POMT1: variants seen among roughly 807,000 people sequenced by gnomAD.
POMT1 encodes protein O-mannosyltransferase 1, also known as protein O-mannosyl-transferase 1.
In POMT1, 85 loss-of-function variants were observed where a neutral mutation model predicts 101.6. That is an observed-to-expected ratio of 0.84 (90% CI 0.70 to 1.00). The LOEUF (loss-of-function observed/expected upper bound fraction) is 1.00, where lower values mean the gene tolerates loss of function less well. POMT1 is among the 50% of genes least tolerant of loss of function. The pLI, the probability that POMT1 is intolerant of heterozygous loss-of-function variation, is 0.00. For synonymous variants in POMT1, 371 were observed against 383.0 expected, an observed-to-expected ratio of 0.97 and a Z score of 0.37; for missense variants, 857 against 930.4, an observed-to-expected ratio of 0.92 and a Z score of 1.03.
At chr9:131,505,272 A>C (rs1022029617) in intron 2 of POMT1, among the ~76,000 whole-genome samples, 1 of 148,774 alleles carries the variant, frequency 6.7e-6, no homozygotes, top group African/African-American at 2.5e-5. Flanking sequence ...TAGATAATTC[A>C]GCGGTATATC....
intron 10 of POMT1, 140 bp from the exon 11 acceptor site, chr9:131,511,901 G>T: frequency 2.5e-6 from 2 of 800,298 alleles, no homozygotes; most frequent in Non-Finnish European, 4.2e-6. Context: ...AATAGACACA[G>T]GGTCTCACTA....
At position 131,515,410 on chromosome 9, in the gene POMT1, G is replaced by C. The variant is rs199684856; in HGVS notation, c.1176-16G>C. On this transcript the variant is annotated splice_polypyrimidine_tract_variant and intron_variant, in intron 12 of 19. Transcript: ENST00000402686. ...AGTTCAAGGAATTTTCTGAAATCTCGGTCTTGGTTTTCCAGGCATGATGTT... is the reference window on the plus strand; with the variant it reads ...AGTTCAAGGAATTTTCTGAAATCTCCGTCTTGGTTTTCCAGGCATGATGTT... The C allele has an allele frequency of 5.6e-6, 9 of 1,612,880 alleles. No individual in the cohort carries two copies. In the African/African-American group the frequency reaches 1.1e-4, roughly 19 times the overall value.
intron 13 of POMT1, among the ~76,000 whole-genome samples, chr9:131,516,266 T>C (rs375408131): frequency 7.2e-4 from 100 of 137,974 alleles, no homozygotes; most frequent in African/African-American, 1.0e-3. Context: ...CACGGAACAC[T>C]TCCTCACACG....
Position 131,519,270 on chromosome 9 carries a change from C to T in POMT1, c.1487-119C>T, listed in dbSNP as rs1949411790. ...GAAAGCTAAGTGGAATGATGCGGTT[C>T]GATAAGGGGTCTTTGTTAGAAAGGC... On this transcript the variant is annotated intron_variant, in intron 15 of 19. Transcript: ENST00000402686. The surrounding 1 kb of genome is among the most constrained non-coding windows in gnomAD (Gnocchi z 4.3). The T allele has an allele frequency of 2.0e-5, 21 of 1,031,836 alleles. No individual in the cohort carries two copies. Among genetic ancestry groups the T allele is most frequent in the East Asian group, 5.2e-5 (2 of 38,600 alleles). 63.9% of individuals were successfully genotyped at this position (1,031,836 alleles called of 1,614,324 possible).
In POMT1 at chr9:131,519,037, AT is replaced by A; in HGVS notation, c.1486+84del. The stretch of plus-strand genomic sequence containing the variant: ...TATTTGATAACACCCCAGAGTTCTC[AT>A]TTTGGTGGGAAGGGAACTGAGCACA... On this transcript the variant is annotated intron_variant, in intron 15 of 19. Coordinates refer to ENST00000402686, the MANE Select transcript of POMT1 (RefSeq NM_001077365.2). This position sits in a 1 kb window ranked among gnomAD's most constrained non-coding sequence, Gnocchi z 4.3. The A allele has an allele frequency of 6.3e-7, 1 of 1,597,702 alleles. No individual in the cohort carries two copies. The highest frequency in any genetic ancestry group is 1.1e-5 in the South Asian group (1 of 89,980).
chr9:131,506,675 T>G (rs1945878367), intron 4 of POMT1: 4 of 583,578 alleles, frequency 6.9e-6, no homozygotes, highest in Non-Finnish European at 1.2e-5. Flanking sequence ...GTTGCAGTCA[T>G]TATTTCAGCC....
At chr9:131,507,651 C>A in intron 5 of POMT1, 137 bp downstream of exon 5, 1 of 1,245,802 alleles carries the variant, frequency 8.0e-7, no homozygotes, top group Non-Finnish European at 1.1e-6. Flanking sequence ...CGCTGCAAGT[C>A]ACCCGCTCCC....
chr9:131,506,983 C>T (rs1316383711), intron 4 of POMT1, among the ~76,000 whole-genome samples: 2 of 151,046 alleles, frequency 1.3e-5, no homozygotes, highest in Admixed American at 6.6e-5. Flanking sequence ...AGGAGAAGGG[C>T]GTGAACCCGG....
chr9:131,518,106 T>C, intron 13 of POMT1: 1 of 396,214 alleles, frequency 2.5e-6, no homozygotes, highest in Non-Finnish European at 5.0e-6. Context: ...AGATAGGGAC[T>C]GAGACTTGCT....
In POMT1 at chr9:131,519,254, G is replaced by A; in HGVS notation, c.1487-135G>A. The A allele has an allele frequency of 2.1e-6, 2 of 972,092 alleles. No individual in the cohort carries two copies. Among genetic ancestry groups the A allele is most frequent in the Non-Finnish European group, 1.6e-6 (1 of 632,170 alleles). 60.2% of individuals were successfully genotyped at this position (972,092 alleles called of 1,614,324 possible). A position where few individuals can be genotyped will look rare whatever the true frequency, so the allele number is the denominator to read the frequency against. On this transcript the variant is annotated intron_variant, in intron 15 of 19. Transcript: ENST00000402686. The surrounding 1 kb of genome is among the most constrained non-coding windows in gnomAD (Gnocchi z 4.3). ...TCTTGGGTGTGGTGGGGAAAGCTAA[G>A]TGGAATGATGCGGTTCGATAAGGGG... is the stretch of plus-strand genomic sequence containing the variant.
intron 11 of POMT1, 21 bp from the exon 12 acceptor site, chr9:131,513,218 C>A: frequency 6.2e-7 from 1 of 1,607,842 alleles, no homozygotes; most frequent in South Asian, 1.1e-5. Flanking sequence ...TGTGTGGTCC[C>A]GACAGCACTG....
rs772900925 is a variant in POMT1, at chr9:131,513,259, G to C, written c.1103G>C (p.Ser368Thr). 6.2e-7 allele frequency: 1 copy of C among 1,613,040 alleles called. No homozygotes were observed. Among genetic ancestry groups the C allele is most frequent in the Non-Finnish European group, 8.5e-7 (1 of 1,179,986 alleles). Reference sequence around the variant, plus strand: ...TCCAGGCACCAGCTGGTGGTGAGCAGCCCTCCGAGACCTGTGAGGCACGGG... The same window carrying C: ...TCCAGGCACCAGCTGGTGGTGAGCACCCCTCCGAGACCTGTGAGGCACGGG... ...DPRRHQLVVS[S>T]PPRPVRHGDM... Residue 368 changes from serine (S) to threonine (T), a missense_variant, in exon 12 of 20, where the codon AGC (serine) becomes ACC (threonine). Coordinates refer to ENST00000402686, the MANE Select transcript of POMT1 (RefSeq NM_001077365.2).
intron 9 of POMT1, chr9:131,510,664 C>T (rs1048127768): frequency 9.5e-6 from 5 of 526,712 alleles, no homozygotes; most frequent in Non-Finnish European, 1.7e-5. Context: ...CAACCACACC[C>T]AGCTAATTTT....
At chr9:131,505,970 G>A (rs530893383) in intron 2 of POMT1, 144 bp from the exon 3 acceptor site, 118 of 1,132,766 alleles carry the variant, frequency 1.0e-4, no homozygotes, top group Non-Finnish European at 1.4e-4. Flanking sequence ...TTTGGGGATG[G>A]GAAACAATTG....
At chr9:131,507,287 G>A (rs1946065431) in intron 4 of POMT1, 81 bp from the exon 5 acceptor site, 4 of 1,599,786 alleles carry the variant, frequency 2.5e-6, no homozygotes, top group South Asian at 2.2e-5. Flanking sequence ...ACATGACGGC[G>A]CTATGTGAAA....
In POMT1 at chr9:131,504,184, T is replaced by C; in HGVS notation, c.-30-5T>C. The stretch of plus-strand genomic sequence containing the variant: ...ATGGACCACGGCTCCTCCCTTCTTT[T>C]CTAGGGCGTCTGCCTGAGCCCGCTT... On this transcript the variant is annotated splice_region_variant and splice_polypyrimidine_tract_variant and intron_variant, in intron 1 of 19. Transcript: ENST00000402686. 1 of 1,613,930 alleles carries C rather than the reference T, an allele frequency of 6.2e-7. No individual in the cohort carries two copies. Among genetic ancestry groups the C allele is most frequent in the Non-Finnish European group, 8.5e-7 (1 of 1,179,886 alleles).
chr9:131,510,553 TG>T (rs993300659), intron 9 of POMT1, 138 bp downstream of exon 9: 32 of 1,185,476 alleles, frequency 2.7e-5, no homozygotes, highest in African/African-American at 4.6e-5. Context: ...CTTTTTTTGG[TG>T]GGGGGGATGG....
Position 131,523,082 on chromosome 9 carries a change from G to C in POMT1, c.2154G>C (p.Trp718Cys). ...AGGCCCTTCGCTGGAAAGACAGCTG[G>C]GACATCTTGATCCGAAAACACTAGA... ...ELKALRWKDSWDILIRKH is the reference protein window; with the variant it reads ...ELKALRWKDSCDILIRKH Residue 718 changes from tryptophan to cysteine, a missense_variant, in exon 20 of 20, where the codon TGG (tryptophan) becomes TGC (cysteine). Coordinates refer to ENST00000402686, the MANE Select transcript of POMT1 (RefSeq NM_001077365.2). The C allele has an allele frequency of 6.2e-7, 1 of 1,611,456 alleles. No individual in the cohort carries two copies. The highest frequency in any genetic ancestry group is 1.1e-5 in the South Asian group (1 of 90,878).
In POMT1 at chr9:131,507,514, G is replaced by A. The variant is rs777149559; in HGVS notation, c.427G>A (p.Glu143Lys). Residue 143 changes from glutamate to lysine, a missense_variant and splice_region_variant, in exon 5 of 20, where the codon GAG (glutamate) becomes AAG (lysine). Coordinates refer to ENST00000402686, the MANE Select transcript of POMT1 (RefSeq NM_001077365.2). The part of the protein sequence containing the change: ...AMGAALLMLI[E>K]NALITQSRLM... ...GGGAGCTGCTCTGTTGATGCTTATC[G>A]GTAAGACCTGCGCCCCTGCCTGCTC... The A allele has an allele frequency of 2.5e-6, 4 of 1,613,958 alleles. No individual in the cohort carries two copies. The highest frequency in any genetic ancestry group is 4.5e-5 in the East Asian group (2 of 44,896).
Sources: allele counts gnomAD v4.1 joint callset (sites outside exome capture counted in the v4.1 genomes callset), GRCh38; gene constraint gnomAD v4.1.1; non-coding constraint Gnocchi (gnomAD v3.1); transcripts MANE v1.5; gene names NCBI Gene and HGNC (gene_info 2026-07-23, HGNC 2026-07-21).